The following DYRK1B variants were observed in gnomAD, a reference collection of about 807,000 sequenced individuals.
The protein encoded by DYRK1B is dual specificity tyrosine-phosphorylation-regulated kinase 1B.
DYRK1B carries 20 observed loss-of-function variants against 57.1 expected under a neutral mutation model. That is an observed-to-expected ratio of 0.35 (90% CI 0.25 to 0.51). The LOEUF (loss-of-function observed/expected upper bound fraction) is 0.51, where lower values mean the gene tolerates loss of function less well. Among genes scored for constraint, DYRK1B ranks in the 20% least tolerant of loss-of-function variants. DYRK1B has a pLI of 0.96. For missense variants in DYRK1B, 732 were observed against 886.3 expected (o/e 0.83, Z 2.21); for synonymous variants, 409 against 384.7 (o/e 1.06, Z -0.74).
chr19:39,832,934 TAC>T (rs368444011), intron 1 of DYRK1B: 258 of 924,760 alleles, frequency 2.8e-4, no homozygotes, highest in Middle Eastern at 1.7e-3. Flanking sequence ...CTTGCCCCCC[TAC>T]ACACACACAC....
At position 39,826,302 on chromosome 19, in the gene DYRK1B, A is replaced by G. The variant is rs1599637314; in HGVS notation, c.1412-16T>C. On this transcript the variant is annotated splice_polypyrimidine_tract_variant and intron_variant, in intron 9 of 10. Coordinates refer to ENST00000323039, the MANE Select transcript of DYRK1B (RefSeq NM_004714.3). This position sits in a 1 kb window ranked among gnomAD's most constrained non-coding sequence, Gnocchi z 6.3. ...CTGGAGCCTCCTGGAAGTGCCAGGG[A>G]GGAGAGGTGAAGGGGCATAAGGTGA... 1 of 1,554,870 alleles carries G rather than the reference A, an allele frequency of 6.4e-7. No individual in the cohort carries two copies. Among genetic ancestry groups the G allele is most frequent in the Admixed American group, 2.1e-5 (1 of 48,472 alleles).
In DYRK1B at chr19:39,831,914, C is replaced by T. The variant is rs1280944903; in HGVS notation, c.-47G>A. ...GGGAGCGAGGCCTGGAGCGGGAGCC[C>T]GGCCGGGGGGCGCCTTCTTGCATCC... On this transcript the variant is annotated 5_prime_UTR_variant, in exon 2 of 11. Coordinates refer to ENST00000323039, the MANE Select transcript of DYRK1B (RefSeq NM_004714.3). 2.8e-6 allele frequency: 4 copies of T among 1,439,494 alleles called. No individual in the cohort carries two copies. In the African/African-American group the frequency reaches 4.4e-5, roughly 16 times the overall value. 89.2% of individuals were successfully genotyped at this position (1,439,494 alleles called of 1,614,324 possible).
Position 39,828,708 on chromosome 19 carries a change from C to T in DYRK1B, c.521-125G>A. On this transcript the variant is annotated intron_variant, in intron 5 of 10. Coordinates refer to ENST00000323039, the MANE Select transcript of DYRK1B (RefSeq NM_004714.3). This position sits in a 1 kb window ranked among gnomAD's most constrained non-coding sequence, Gnocchi z 4.3. ...GTGCTGTCCCCACGGGTACCATCTG[C>T]TAGTCAAAATCTTTTTATCTAACAA... 1.0e-6 allele frequency: 1 copy of T among 983,462 alleles called. No individual in the cohort carries two copies. The highest frequency in any genetic ancestry group is 1.7e-5 in the South Asian group (1 of 57,930). 60.9% of individuals were successfully genotyped at this position (983,462 alleles called of 1,614,324 possible). A position where few individuals can be genotyped will look rare whatever the true frequency, so the allele number is the denominator to read the frequency against.
intron 1 of DYRK1B, 38 bp from the exon 2 acceptor site, chr19:39,832,006 A>G: frequency 7.1e-7 from 1 of 1,410,282 alleles, no homozygotes; most frequent in Non-Finnish European, 9.2e-7. Flanking sequence ...AACATGGAAC[A>G]AGGGGATATG....
chr19:39,832,024 T>C (rs1437393054), intron 1 of DYRK1B, 56 bp from the exon 2 acceptor site: 1 of 1,382,158 alleles, frequency 7.2e-7, no homozygotes, highest in East Asian at 2.9e-5. Context: ...ATGTGAATAG[T>C]GCCAGGCGGG....
chr19:39,831,987 T>C lies in DYRK1B; in HGVS notation c.-101-19A>G. ...CTGAGACCTGAGAGCAGACAGGAAG[T>C]GGGAAAACAACATGGAACAAGGGGA... On this transcript the variant is annotated intron_variant, in intron 1 of 10. Transcript: ENST00000323039. 2 of 1,417,148 alleles carry C rather than the reference T, an allele frequency of 1.4e-6. No homozygotes were observed. Among genetic ancestry groups the C allele is most frequent in the Non-Finnish European group, 1.8e-6 (2 of 1,088,650 alleles). The allele number at this position is 1,417,148 out of a possible 1,614,324, so 87.8% of individuals were successfully genotyped here.
rs201098298 is a variant in DYRK1B, at chr19:39,826,796, G to A, written c.1287C>T (p.Gly429=). ...CCTCGTCGGCCGTGCGGCGGAAGAA[G>A]CCGTGCTGCAGAGCCCCCAGGGGGC... is the stretch of plus-strand genomic sequence containing the variant. ...RISPLGALQH[G]FFRRTADEAT... is the part of the protein sequence containing the mutation. Residue 429 remains glycine (G), a synonymous_variant, in exon 9 of 11, where the codon GGC becomes GGT. Transcript: ENST00000323039. The surrounding 1 kb of genome is among the most constrained non-coding windows in gnomAD (Gnocchi z 6.3). 7.2e-4 allele frequency: 1,116 copies of A among 1,544,056 alleles called. 5 individuals are homozygous for A. The highest frequency in any genetic ancestry group is 1.3e-3 in the East Asian group (56 of 42,250).
chr19:39,830,617 G>A (rs561806068), intron 3 of DYRK1B, 47 bp downstream of exon 3: 11 of 1,613,264 alleles, frequency 6.8e-6, no homozygotes, highest in Non-Finnish European at 9.3e-6. Context: ...CATGCCAGCA[G>A]ACAAGACCCT....
chr19:39,831,917 C>G lies in DYRK1B; in HGVS notation c.-50G>C. The G allele has an allele frequency of 1.4e-6, 2 of 1,438,488 alleles. No homozygotes were observed. The highest frequency in any genetic ancestry group is 9.1e-7 in the Non-Finnish European group (1 of 1,094,164). The allele number at this position is 1,438,488 out of a possible 1,614,324, so 89.1% of individuals were successfully genotyped here. On this transcript the variant is annotated 5_prime_UTR_variant, in exon 2 of 11. Coordinates refer to ENST00000323039, the MANE Select transcript of DYRK1B (RefSeq NM_004714.3). Reference sequence around the variant, plus strand: ...AGCGAGGCCTGGAGCGGGAGCCCGGCCGGGGGGCGCCTTCTTGCATCCTGC... The same window carrying G: ...AGCGAGGCCTGGAGCGGGAGCCCGGGCGGGGGGCGCCTTCTTGCATCCTGC...
rs1293821747 is a variant in DYRK1B, at chr19:39,834,061, G to A, written c.-140C>T. 1 of 165,552 alleles carries A rather than the reference G, an allele frequency of 6.0e-6. No individual in the cohort carries two copies. The highest frequency in any genetic ancestry group is 1.3e-5 in the Non-Finnish European group (1 of 75,398). The allele number at this position is 165,552 out of a possible 1,614,324, so 10.3% of individuals were successfully genotyped here. On this transcript the variant is annotated 5_prime_UTR_variant, in exon 1 of 11. Coordinates refer to ENST00000323039, the MANE Select transcript of DYRK1B (RefSeq NM_004714.3). Reference sequence around the variant, plus strand: ...CAAGGGGACTCAAACTGCTCGGGGAGCCCGAGCTCAGACCTGCCCACTGGC... The same window carrying A: ...CAAGGGGACTCAAACTGCTCGGGGAACCCGAGCTCAGACCTGCCCACTGGC...
chr19:39,830,536 C>T lies in DYRK1B; in HGVS notation c.211G>A (p.Ala71Thr), dbSNP rs1365698943. 1.9e-6 allele frequency: 3 copies of T among 1,614,014 alleles called. No individual in the cohort carries two copies. Among genetic ancestry groups the T allele is most frequent in the Admixed American group, 1.7e-5 (1 of 60,008 alleles). Reference protein sequence around the residue: ...EVYYAKKKRRAQQAPPQDSSN... With the variant: ...EVYYAKKKRRTQQAPPQDSSN... The stretch of plus-strand genomic sequence containing the variant: ...GAATCCTGGGGTGGCGCCTGCTGGG[C>T]CCGCCGCTTCTTCTTCGCATAGTAT... Residue 71 changes from alanine (A) to threonine (T), a missense_variant, in exon 4 of 11, where the codon GCC (alanine) becomes ACC (threonine). This residue lies in a region of DYRK1B where 510 missense variants were observed against 681.3 expected (regional missense o/e 0.75). Transcript: ENST00000323039.
At chr19:39,832,415 C>T (rs1828452027) in intron 1 of DYRK1B, among the ~76,000 whole-genome samples, 1 of 152,116 alleles carries the variant, frequency 6.6e-6, no homozygotes, top group Admixed American at 6.5e-5. Context: ...TGTAGTCTTC[C>T]CTGAACATCA....
rs761998506 is a variant in DYRK1B at position 39,828,270 on chromosome 19, T to G, written c.807+27A>C. ...TCTGCCCCACCCAAACTACTAGCCG[T>G]GCTCCCAGGACCGGGCCGCCCCCTA... On this transcript the variant is annotated intron_variant, in intron 6 of 10. Transcript: ENST00000323039. This position sits in a 1 kb window ranked among gnomAD's most constrained non-coding sequence, Gnocchi z 4.3. 1.2e-6 allele frequency: 2 copies of G among 1,610,046 alleles called. No individual in the cohort carries two copies. The highest frequency in any genetic ancestry group is 2.2e-5 in the South Asian group (2 of 90,602).
In DYRK1B at chr19:39,830,703, G is replaced by C. The variant is rs1320470292; in HGVS notation, c.144C>G (p.Leu48=). The change falls in exon 3 of 11, where the codon CTC becomes CTG. Residue 48 remains leucine, a synonymous_variant. Coordinates refer to ENST00000323039, the MANE Select transcript of DYRK1B (RefSeq NM_004714.3). ...TGTAGGTCTTGATGAGGTCCACAGA[G>C]AGCTTACGCAGCGGGGCTGAGGTTG... ...RDATSAPLRK[L]SVDLIKTYKH... is the part of the protein sequence containing the mutation. The C allele has an allele frequency of 4.3e-6, 7 of 1,614,154 alleles. No individual in the cohort carries two copies. Among genetic ancestry groups the C allele is most frequent in the East Asian group, 4.5e-5 (2 of 44,882 alleles).
chr19:39,829,727 A>G, intron 5 of DYRK1B, 153 bp downstream of exon 5: 1 of 822,686 alleles, frequency 1.2e-6, no homozygotes, highest in Non-Finnish European at 1.8e-6. Context: ...TAAAAGCAGC[A>G]GGAGAATCAC....
chr19:39,828,404 T>C lies in DYRK1B; in HGVS notation c.700A>G (p.Ser234Gly), dbSNP rs35858874. The part of the protein sequence containing the change: ...ALLFLATPEL[S>G]IIHCDLKPEN... Reference sequence around the variant, plus strand: ...GGCTTGAGGTCGCAGTGAATGATGCTGAGCTCAGGCGTGGCCAGAAAGAGC... The same window carrying C: ...GGCTTGAGGTCGCAGTGAATGATGCCGAGCTCAGGCGTGGCCAGAAAGAGC... The change falls in exon 6 of 11, where the codon AGC (serine) becomes GGC (glycine). Residue 234 changes from serine to glycine, a missense_variant. This residue lies in a region of DYRK1B where 510 missense variants were observed against 681.3 expected (regional missense o/e 0.75). Transcript: ENST00000323039. This position sits in a 1 kb window ranked among gnomAD's most constrained non-coding sequence, Gnocchi z 4.3. 1.2e-5 allele frequency: 19 copies of C among 1,614,094 alleles called. No homozygotes were observed. Among genetic ancestry groups the C allele is most frequent in the Non-Finnish European group, 1.6e-5 (19 of 1,179,984 alleles).
Position 39,826,886 on chromosome 19 carries a change from G to C in DYRK1B, c.1197C>G (p.Ala399=). The C allele has an allele frequency of 7.0e-7, 1 of 1,424,520 alleles. No individual in the cohort carries two copies. Among genetic ancestry groups the C allele is most frequent in the South Asian group, 1.5e-5 (1 of 67,266 alleles). The allele number at this position is 1,424,520 out of a possible 1,614,324, so 88.2% of individuals were successfully genotyped here. Residue 399 remains alanine, a synonymous_variant, in exon 9 of 11, where the codon GCC becomes GCG. Coordinates refer to ENST00000323039, the MANE Select transcript of DYRK1B (RefSeq NM_004714.3). The surrounding 1 kb of genome is among the most constrained non-coding windows in gnomAD (Gnocchi z 6.3). ...RRAGEPGHSP[A]DYLRFQDLVL... is the part of the protein sequence containing the mutation. ...CCAGGTCCTGGAAGCGGAGGTAGTC[G>C]GCGGGGCTGTGGCCCGGCTCCCCCG...
Position 39,830,736 on chromosome 19 carries a change from G to C in DYRK1B, c.111C>G (p.Phe37Leu), listed in dbSNP as rs1162340849. ...RLLPRRLPLA[F>L]RDATSAPLRK... ...GCAGCGGGGCTGAGGTTGCATCCCG[G>C]AAGGCCAGGGGCAGCCTCCGAGGCA... Residue 37 changes from phenylalanine (F) to leucine (L), a missense_variant, in exon 3 of 11, where the codon TTC (phenylalanine) becomes TTG (leucine). By Grantham distance (22) the Phe-to-Leu change is conservative. This residue lies in a region of DYRK1B where 510 missense variants were observed against 681.3 expected (regional missense o/e 0.75). Coordinates refer to ENST00000323039, the MANE Select transcript of DYRK1B (RefSeq NM_004714.3). 6.2e-7 allele frequency: 1 copy of C among 1,614,116 alleles called. No individual in the cohort carries two copies. Among genetic ancestry groups the C allele is most frequent in the Non-Finnish European group, 8.5e-7 (1 of 1,180,012 alleles).
rs921219493 is a variant in DYRK1B at position 39,831,800 on chromosome 19, C to T, written c.63+5G>A. 1.7e-5 allele frequency: 27 copies of T among 1,548,610 alleles called. No individual in the cohort carries two copies. Among genetic ancestry groups the T allele is most frequent in the Middle Eastern group, 2.3e-4 (1 of 4,406 alleles). ...ACGCAGGTGAGGAGCCAGCTGAACG[C>T]GTACCTGCGTGTGCTCCTGGGGCCC... On this transcript the variant is annotated splice_donor_5th_base_variant and intron_variant, in intron 2 of 10. Transcript: ENST00000323039.
Sources: gnomAD v4.1 joint callset for allele counts (sites outside exome capture counted in the v4.1 genomes callset) on GRCh38, gnomAD v4.1.1 for gene constraint, gnomAD v4.1.1 regional missense constraint, Gnocchi (gnomAD v3.1) non-coding constraint, MANE v1.5 for transcripts, NCBI Gene and HGNC (gene_info 2026-07-23, HGNC 2026-07-21) for gene names.